Variants in AFG1L observed in about 807,000 individuals in gnomAD.
AFG1L encodes the protein AFG1 like ATPase.
Under a neutral mutation model 62.2 loss-of-function variants are expected in AFG1L, and 53 were observed. The ratio of observed to expected loss-of-function variants is 0.85; its 90% confidence interval spans 0.68 to 1.07. The LOEUF (loss-of-function observed/expected upper bound fraction) is 1.07, where lower values mean the gene tolerates loss of function less well. AFG1L is among the 50% of genes least tolerant of loss of function. The pLI, the probability that AFG1L is intolerant of heterozygous loss-of-function variation, is 0.00. For missense variants in AFG1L, 555 were observed against 590.5 expected (o/e 0.94, Z 0.62); for synonymous variants, 228 against 210.3 (o/e 1.08, Z -0.73).
At chr6:108,318,631 A>G (rs1458205464) in intron 1 of AFG1L, among the ~76,000 whole-genome samples, 5 of 152,216 alleles carry the variant, frequency 3.3e-5, no homozygotes, top group African/African-American at 7.2e-5. Context: ...AATCTTTTAG[A>G]AAGTGGGCTG....
Position 108,519,559 on chromosome 6 carries a change from GA to G in AFG1L, c.1204-130del, listed in dbSNP as rs61046065. 4,430 of 572,608 alleles carry G rather than the reference GA, an allele frequency of 7.7e-3. 149 individuals carry two copies. Among genetic ancestry groups the G allele is most frequent in the African/African-American group, 0.074 (3,943 of 53,394 alleles). The allele number at this position is 572,608 out of a possible 1,614,324, so 35.5% of individuals were successfully genotyped here. ...TGCTTTAAAGAGATAAACAATTAGG[GA>G]AAAAAAATGGACGTCTTAAAAGCAA... On this transcript the variant is annotated intron_variant, in intron 11 of 12. Transcript: ENST00000368977.
intron 2 of AFG1L, among the ~76,000 whole-genome samples, chr6:108,335,859 A>C (rs992036833): frequency 2.0e-5 from 3 of 152,232 alleles, no homozygotes; most frequent in Non-Finnish European, 4.4e-5. Flanking sequence ...GATGTCAAAA[A>C]GTCATTTGCA....
At chr6:108,486,785 A>G (rs1259484581) in intron 10 of AFG1L, among the ~76,000 whole-genome samples, 1 of 152,108 alleles carries the variant, frequency 6.6e-6, no homozygotes, top group East Asian at 1.9e-4. Flanking sequence ...GCTCACTGCA[A>G]CCTCCGCCTC....
chr6:108,300,672 T>C (rs958485735), intron 1 of AFG1L, among the ~76,000 whole-genome samples: 2 of 151,966 alleles, frequency 1.3e-5, no homozygotes, highest in African/African-American at 2.4e-5. Context: ...GCGTTTGAAC[T>C]TACTTTTTTT....
Position 108,320,626 on chromosome 6 carries a change from A to G in AFG1L, c.140-3199A>G, listed in dbSNP as rs192173430. Among the ~76,000 whole-genome samples, 8 of 152,222 alleles carry G rather than the reference A, an allele frequency of 5.3e-5. No homozygotes were observed. In the East Asian group the frequency reaches 7.7e-4, roughly 15 times the overall value. On this transcript the variant is annotated intron_variant, in intron 1 of 12. Transcript: ENST00000368977. ...TCTTTGGCCATGATTTTGAGCTTCT[A>G]TTATCTTCTTGCTTATCAAGTGGCT...
intron 1 of AFG1L, among the ~76,000 whole-genome samples, chr6:108,323,035 A>G (rs142583086): frequency 6.6e-6 from 1 of 152,370 alleles, no homozygotes; most frequent in African/African-American, 2.4e-5. Flanking sequence ...AAAAGATCTC[A>G]GAAGCAGAGG....
chr6:108,334,901 C>T (rs550433549), intron 2 of AFG1L, among the ~76,000 whole-genome samples: 4 of 152,262 alleles, frequency 2.6e-5, no homozygotes, highest in South Asian at 4.1e-4. Context: ...TGGGTCTTTG[C>T]TAAAGCTGCC....
chr6:108,399,770 T>TC (rs200229348), intron 6 of AFG1L, among the ~76,000 whole-genome samples: 1,295 of 87,148 alleles, frequency 0.015, 45 homozygotes, highest in African/African-American at 0.055. Context: ...AGTATCTCTC[T>TC]TTTTTTTTTT....
At chr6:108,373,094 T>C (rs1255361686) in intron 6 of AFG1L, among the ~76,000 whole-genome samples, 1 of 152,170 alleles carries the variant, frequency 6.6e-6, no homozygotes, top group Non-Finnish European at 1.5e-5. Flanking sequence ...TACCTATATA[T>C]ATTGCATGAT....
chr6:108,509,242 G>C (rs1289545809), intron 10 of AFG1L, among the ~76,000 whole-genome samples: 1 of 152,164 alleles, frequency 6.6e-6, no homozygotes, highest in Non-Finnish European at 1.5e-5. Context: ...GCACTTTTGT[G>C]AATAATATTG....
At chr6:108,330,390 G>C (rs1778229444) in intron 2 of AFG1L, among the ~76,000 whole-genome samples, 1 of 152,028 alleles carries the variant, frequency 6.6e-6, no homozygotes. Flanking sequence ...TGGCCAGGCT[G>C]GTCTTGAACT....
chr6:108,338,052 G>C (rs544340843), intron 2 of AFG1L, among the ~76,000 whole-genome samples: 3 of 152,250 alleles, frequency 2.0e-5, no homozygotes, highest in East Asian at 3.9e-4. Flanking sequence ...TGGGCATGGT[G>C]GTGGGCACCT....
intron 1 of AFG1L, chr6:108,318,387 C>T: frequency 3.2e-6 from 1 of 312,712 alleles, no homozygotes; most frequent in Non-Finnish European, 6.2e-6. Flanking sequence ...AGAGAAAGGC[C>T]AAGTGTTGAT....
At chr6:108,474,382 T>C (rs1175932743) in intron 8 of AFG1L, among the ~76,000 whole-genome samples, 2 of 152,232 alleles carry the variant, frequency 1.3e-5, no homozygotes, top group African/African-American at 2.4e-5. Flanking sequence ...TGATTTATAT[T>C]CCTTTGGGTA....
Position 108,476,862 on chromosome 6 carries a change from T to C in AFG1L, c.891-3T>C, listed in dbSNP as rs1773125113. 2.5e-6 allele frequency: 4 copies of C among 1,607,590 alleles called. No individual in the cohort carries two copies. Among genetic ancestry groups the C allele is most frequent in the Non-Finnish European group, 3.4e-6 (4 of 1,174,086 alleles). On this transcript the variant is annotated splice_polypyrimidine_tract_variant and splice_region_variant and intron_variant, in intron 8 of 12. Transcript: ENST00000368977. ...TCATATTCTATTATTCTTTTCACTG[T>C]AGCACAAGTGAAGCTGATGTGGAGG...
chr6:108,439,449 A>G (rs1281802949), intron 7 of AFG1L, among the ~76,000 whole-genome samples: 5 of 152,236 alleles, frequency 3.3e-5, no homozygotes, highest in Non-Finnish European at 7.3e-5. Context: ...CATCTTTAGT[A>G]TCATCCTGAT....
chr6:108,522,067 A>G (rs568898172), intron 12 of AFG1L: 2 of 320,926 alleles, frequency 6.2e-6, no homozygotes, highest in East Asian at 1.2e-4. Flanking sequence ...TTTTGGAGAA[A>G]GTTTTCCCTT....
intron 3 of AFG1L, 51 bp downstream of exon 3, chr6:108,347,090 C>A: frequency 7.0e-7 from 1 of 1,423,610 alleles, no homozygotes; most frequent in Non-Finnish European, 9.9e-7. Context: ...AGTTTCTCAG[C>A]TTTCTCTCAG....
chr6:108,443,094 G>A (rs1771616466), intron 7 of AFG1L, among the ~76,000 whole-genome samples: 1 of 152,152 alleles, frequency 6.6e-6, no homozygotes, highest in South Asian at 2.1e-4. Context: ...GACTGTAAAA[G>A]AGGTTTAAAA....
Sources: gnomAD v4.1 joint callset for allele counts (sites outside exome capture counted in the v4.1 genomes callset) on GRCh38, gnomAD v4.1.1 for gene constraint, MANE v1.5 for transcripts, NCBI Gene and HGNC (gene_info 2026-07-23, HGNC 2026-07-21) for gene names.